Variants in IDE observed in about 807,000 individuals in gnomAD.
IDE encodes the protein insulin-degrading enzyme.
IDE carries 58 observed loss-of-function variants against 133.2 expected under a neutral mutation model. That is an observed-to-expected ratio of 0.44 (90% confidence interval 0.35 to 0.54). The LOEUF (loss-of-function observed/expected upper bound fraction) is 0.54, where lower values mean the gene tolerates loss of function less well. IDE is among the 20% of genes least tolerant of loss of function. IDE has a pLI of 0.00. For missense variants in IDE, 981 were observed against 1,234.0 expected (o/e 0.79, Z 3.07); for synonymous variants, 396 against 421.3 (o/e 0.94, Z 0.73).
At chr10:92,517,087 T>C (rs1299415570) in intron 4 of IDE, among the ~76,000 whole-genome samples, 2 of 152,170 alleles carry the variant, frequency 1.3e-5, no homozygotes, top group Admixed American at 6.5e-5. Context: ...TGGTAGAGTA[T>C]GTTCTTGAAG....
At chr10:92,516,017 A>G (rs1478885081) in intron 4 of IDE, among the ~76,000 whole-genome samples, 1 of 151,304 alleles carries the variant, frequency 6.6e-6, no homozygotes, top group African/African-American at 2.4e-5. Context: ...TAAAAATACA[A>G]AATTAGCCAG....
At chr10:92,510,299 T>C in intron 5 of IDE, 137 bp from the exon 6 acceptor site, 1 of 431,488 alleles carries the variant, frequency 2.3e-6, no homozygotes, top group East Asian at 3.5e-5. Flanking sequence ...ACCTCACACC[T>C]ATCTGTTTCT....
chr10:92,506,355 A>G, intron 10 of IDE, 87 bp downstream of exon 10: 1 of 607,276 alleles, frequency 1.6e-6, no homozygotes, highest in Non-Finnish European at 2.9e-6. Flanking sequence ...CTTCAATTGT[A>G]ATCATTCACT....
At position 92,453,336 on chromosome 10, in the gene IDE, T is replaced by C. The variant is rs1364343580; in HGVS notation, c.*1108A>G. ...TCCAGTCATCATCTGTGTTTATATG[T>C]TTATATTTATATATTCAAAAAATAA... On this transcript the variant is annotated 3_prime_UTR_variant, in exon 25 of 25. Transcript: ENST00000265986. The C allele has an allele frequency of 6.6e-6, 1 of 152,198 alleles. No homozygotes were observed. The highest frequency in any genetic ancestry group is 1.5e-5 in the Non-Finnish European group (1 of 68,034). 9.4% of individuals were successfully genotyped at this position (152,198 alleles called of 1,614,324 possible).
At chr10:92,480,884 G>T in intron 14 of IDE, 1 of 937,486 alleles carries the variant, frequency 1.1e-6, no homozygotes, top group Non-Finnish European at 1.3e-6. Context: ...GTGAGCTATC[G>T]CACCCAGCCA....
intron 11 of IDE, among the ~76,000 whole-genome samples, chr10:92,500,267 A>T (rs1362568188): frequency 6.6e-6 from 1 of 151,896 alleles, no homozygotes; most frequent in African/African-American, 2.4e-5. Flanking sequence ...ATGGCATTCC[A>T]GCCTGGGCAA....
intron 1 of IDE, 28 bp from the exon 2 acceptor site, chr10:92,537,578 G>T (rs1198688643): frequency 6.7e-7 from 1 of 1,482,302 alleles, no homozygotes; most frequent in African/African-American, 1.4e-5. Context: ...TTTAATTGTT[G>T]ATTTGTGACT....
At chr10:92,548,914 A>C (rs1842656093) in intron 1 of IDE, among the ~76,000 whole-genome samples, 1 of 152,190 alleles carries the variant, frequency 6.6e-6, no homozygotes, top group Non-Finnish European at 1.5e-5. Flanking sequence ...CTAATGGCAC[A>C]TAGTGAGTAG....
Position 92,574,039 on chromosome 10 carries a change from G to A in IDE, c.-20C>T. ...CCGCATTAGCCAGCGCAGTCGCCGG[G>A]ATCACCGCAAACGCTTCCTGCTTGC... is the stretch of plus-strand genomic sequence containing the variant. On this transcript the variant is annotated 5_prime_UTR_variant, in exon 1 of 25. Coordinates refer to ENST00000265986, the MANE Select transcript of IDE (RefSeq NM_004969.4). The A allele has an allele frequency of 2.0e-6, 3 of 1,502,708 alleles. No homozygotes were observed. Among genetic ancestry groups the A allele is most frequent in the Admixed American group, 2.2e-5 (1 of 46,186 alleles). The allele number at this position is 1,502,708 out of a possible 1,614,324, so 93.1% of individuals were successfully genotyped here.
rs967427216 is a variant in IDE at position 92,453,538 on chromosome 10, A to G, written c.*906T>C. The G allele has an allele frequency of 7.9e-5, 12 of 152,192 alleles. No individual in the cohort carries two copies. The highest frequency in any genetic ancestry group is 2.7e-4 in the African/African-American group (11 of 41,456). The allele number at this position is 152,192 out of a possible 1,614,324, so 9.4% of individuals were successfully genotyped here. A position where few individuals can be genotyped will look rare whatever the true frequency, so the allele number is the denominator to read the frequency against. On this transcript the variant is annotated 3_prime_UTR_variant, in exon 25 of 25. Coordinates refer to ENST00000265986, the MANE Select transcript of IDE (RefSeq NM_004969.4). ...TATTTTGGTTCACATACTGACTGCA[A>G]TTTCACTGTAATAAAAAGTTATACA...
chr10:92,493,084 T>TA (rs1459028588), intron 11 of IDE, among the ~76,000 whole-genome samples: 1 of 152,238 alleles, frequency 6.6e-6, no homozygotes, highest in African/African-American at 2.4e-5. Context: ...ATTTGACAGA[T>TA]AAAAGAGTTC....
At chr10:92,464,408 C>T (rs1887922) in intron 20 of IDE, among the ~76,000 whole-genome samples, 129,376 of 152,182 alleles carry the variant, frequency 0.85, 55,219 homozygotes, top group East Asian at 0.92. Flanking sequence ...CATATGAACA[C>T]GGCTCTCCTA....
intron 15 of IDE, chr10:92,478,852 A>C: frequency 1.1e-6 from 1 of 895,554 alleles, no homozygotes; most frequent in Non-Finnish European, 1.4e-6. Flanking sequence ...GTAATGAAGA[A>C]ACATGACCGA....
chr10:92,475,010 C>A, intron 16 of IDE, 49 bp from the exon 17 acceptor site: 1 of 1,471,108 alleles, frequency 6.8e-7, no homozygotes, highest in Non-Finnish European at 9.3e-7. Flanking sequence ...TTTTAAAAAT[C>A]ATTTCAAAAG....
intron 13 of IDE, among the ~76,000 whole-genome samples, chr10:92,484,486 A>G (rs978059907): frequency 1.3e-5 from 2 of 152,040 alleles, no homozygotes; most frequent in Non-Finnish European, 2.9e-5. Flanking sequence ...TAATCCCAGC[A>G]CTTTGGGAGG....
At chr10:92,493,791 T>A (rs1200765715) in intron 11 of IDE, among the ~76,000 whole-genome samples, 1 of 152,122 alleles carries the variant, frequency 6.6e-6, no homozygotes, top group Non-Finnish European at 1.5e-5. Context: ...AGTTAGTATA[T>A]CATTAAGGAA....
intron 22 of IDE, among the ~76,000 whole-genome samples, chr10:92,456,864 A>G (rs1014670633): frequency 9.6e-5 from 14 of 146,382 alleles, no homozygotes; most frequent in Admixed American, 5.3e-4. Flanking sequence ...AAAAAAAAAA[A>G]AAAAAAAAAG....
At chr10:92,539,685 A>G (rs1589506821) in intron 1 of IDE, among the ~76,000 whole-genome samples, 1 of 151,950 alleles carries the variant, frequency 6.6e-6, no homozygotes, top group African/African-American at 2.4e-5. Flanking sequence ...AATCGCTTCA[A>G]CCCGGGAGGC....
rs751226118 is a variant in IDE at position 92,452,269 on chromosome 10, A to C, written c.*2175T>G. The C allele has an allele frequency of 6.6e-6, 1 of 152,202 alleles. No homozygotes were observed. The highest frequency in any genetic ancestry group is 1.5e-5 in the Non-Finnish European group (1 of 68,034). The allele number at this position is 152,202 out of a possible 1,614,324, so 9.4% of individuals were successfully genotyped here. Reference sequence around the variant, plus strand: ...AGGTGAAATTCAGGCGATTTATTGTAAACAGGATAACCCTAGCACTCCACC... The same window carrying C: ...AGGTGAAATTCAGGCGATTTATTGTCAACAGGATAACCCTAGCACTCCACC... On this transcript the variant is annotated 3_prime_UTR_variant, in exon 25 of 25. Transcript: ENST00000265986.
Sources: gnomAD v4.1 joint callset for allele counts (sites outside exome capture counted in the v4.1 genomes callset) on GRCh38, gnomAD v4.1.1 for gene constraint, MANE v1.5 for transcripts, NCBI Gene and HGNC (gene_info 2026-07-23, HGNC 2026-07-21) for gene names.